The following DLGAP1 variants were observed in gnomAD, a reference collection of about 807,000 sequenced individuals.
DLGAP1 encodes the protein disks large-associated protein 1.
In DLGAP1, 11 loss-of-function variants were observed where a neutral mutation model predicts 90.8. The observed-to-expected ratio is 0.12, with a 90% CI of 0.08 to 0.20. DLGAP1 has a LOEUF of 0.20. DLGAP1 is among the 10% of genes least tolerant of loss of function. The pLI, the probability that DLGAP1 is intolerant of heterozygous loss-of-function variation, is 1.00. For synonymous variants in DLGAP1, 558 were observed against 540.7 expected, an observed-to-expected ratio of 1.03 and a Z score of -0.44; for missense variants, 1,050 against 1,333.8, an observed-to-expected ratio of 0.79 and a Z score of 3.31.
intron 1 of DLGAP1, among the ~76,000 whole-genome samples, chr18:4,218,673 A>G (rs1399677249): frequency 6.6e-6 from 1 of 151,890 alleles, no homozygotes; most frequent in Admixed American, 6.6e-5. Context: ...TACGTCTATG[A>G]ATTCAACTTT....
chr18:3,948,420 G>T (rs942058945), intron 3 of DLGAP1, among the ~76,000 whole-genome samples: 10 of 152,094 alleles, frequency 6.6e-5, no homozygotes, highest in African/African-American at 2.2e-4. Flanking sequence ...TGCTGTTAGG[G>T]TTTCACAGAA....
At chr18:3,877,338 G>A (rs543016901) in intron 4 of DLGAP1, among the ~76,000 whole-genome samples, 50 of 152,220 alleles carry the variant, frequency 3.3e-4, no homozygotes, top group South Asian at 1.7e-3. Flanking sequence ...CAGATATAAC[G>A]AAAACATTTC....
At chr18:3,780,520 C>T (rs1323694235) in intron 5 of DLGAP1, among the ~76,000 whole-genome samples, 1 of 113,540 alleles carries the variant, frequency 8.8e-6, no homozygotes, top group South Asian at 2.6e-4. Context: ...CTGGGTCTGT[C>T]CAGGTCCCCC....
At chr18:4,172,333 C>T (rs1017658457) in intron 1 of DLGAP1, among the ~76,000 whole-genome samples, 2 of 152,210 alleles carry the variant, frequency 1.3e-5, no homozygotes, top group Non-Finnish European at 2.9e-5. Flanking sequence ...AAGATAACTA[C>T]ATAAATGCCA....
chr18:3,992,537 G>A (rs771825436), intron 3 of DLGAP1, among the ~76,000 whole-genome samples: 35 of 152,116 alleles, frequency 2.3e-4, no homozygotes, highest in Non-Finnish European at 4.9e-4. Context: ...AATTAGCCAG[G>A]TGTGGTGGTG....
chr18:3,855,421 C>T (rs570874258), intron 4 of DLGAP1, among the ~76,000 whole-genome samples: 1 of 151,940 alleles, frequency 6.6e-6, no homozygotes, highest in Admixed American at 6.6e-5. Context: ...ACATGTACCC[C>T]TTACCTAAAA....
chr18:4,433,003 G>T (rs1488676011), intron 1 of DLGAP1, among the ~76,000 whole-genome samples: 1 of 152,034 alleles, frequency 6.6e-6, no homozygotes, highest in Non-Finnish European at 1.5e-5. Context: ...GCCACCCTAG[G>T]ATATAAATTT....
At chr18:3,800,968 G>A (rs1253087818) in intron 5 of DLGAP1, among the ~76,000 whole-genome samples, 3 of 152,156 alleles carry the variant, frequency 2.0e-5, no homozygotes, top group Admixed American at 2.0e-4. Flanking sequence ...AGGGTTTATA[G>A]GAAGCACGGT....
At chr18:3,503,683 C>G (rs556828421) in intron 11 of DLGAP1, among the ~76,000 whole-genome samples, 1 of 152,108 alleles carries the variant, frequency 6.6e-6, no homozygotes, top group African/African-American at 2.4e-5. Flanking sequence ...AAAACTAACC[C>G]CTAATAAAAA....
At position 4,299,826 on chromosome 18, in the gene DLGAP1, A is replaced by AT. The variant is rs546027628; in HGVS notation, c.-266-148540dup. Among the ~76,000 whole-genome samples the AT allele has an allele frequency of 2.0e-4, 31 of 152,298 alleles. No individual in the cohort carries two copies. In the South Asian group the frequency reaches 3.5e-3, roughly 17 times the overall value. ...CAATTCATCATCTACAGTATGATGTATAAAAGTGATGTTTTTAACTATTTA... is the reference window on the plus strand; with the variant it reads ...CAATTCATCATCTACAGTATGATGTATTAAAAGTGATGTTTTTAACTATTTA... On this transcript the variant is annotated intron_variant, in intron 1 of 12. Coordinates refer to ENST00000315677, the MANE Select transcript of DLGAP1 (RefSeq NM_004746.4).
chr18:3,734,396 G>A (rs1425299075), intron 6 of DLGAP1, among the ~76,000 whole-genome samples: 1 of 152,092 alleles, frequency 6.6e-6, no homozygotes, highest in Non-Finnish European at 1.5e-5. Context: ...GGAACAACAG[G>A]CACGAGCTAC....
At chr18:3,539,781 A>C (rs992478902) in intron 9 of DLGAP1, among the ~76,000 whole-genome samples, 2 of 152,220 alleles carry the variant, frequency 1.3e-5, no homozygotes, top group African/African-American at 2.4e-5. Context: ...TTGGAACTAC[A>C]AGACACTCAA....
Position 3,818,614 on chromosome 18 carries a change from T to C in DLGAP1, c.958-4341A>G, listed in dbSNP as rs142306750. On this transcript the variant is annotated intron_variant, in intron 4 of 12. Coordinates refer to ENST00000315677, the MANE Select transcript of DLGAP1 (RefSeq NM_004746.4). The stretch of plus-strand genomic sequence containing the variant: ...GAAAGAACTATTTCAATACCTTTTT[T>C]TTTTTGAGGTGGTGTCTCGCTCTGT... 5.4e-3 allele frequency among the ~76,000 whole-genome samples: 821 copies of C among 151,604 alleles called. 9 individuals are homozygous for C. The highest frequency in any genetic ancestry group is 0.018 in the African/African-American group (738 of 41,308).
chr18:3,873,387 A>C (rs554636146), intron 4 of DLGAP1, among the ~76,000 whole-genome samples: 1 of 152,308 alleles, frequency 6.6e-6, no homozygotes, highest in African/African-American at 2.4e-5. Flanking sequence ...AGGAACCTTG[A>C]CATTCACTTG....
At chr18:4,285,049 A>AAG (rs1568490630) in intron 1 of DLGAP1, among the ~76,000 whole-genome samples, 13 of 151,972 alleles carry the variant, frequency 8.6e-5, no homozygotes, top group African/African-American at 2.9e-4. Context: ...TTTTACAAAA[A>AAG]TAATGATAAA....
At chr18:4,077,467 T>C (rs2075540601) in intron 2 of DLGAP1, among the ~76,000 whole-genome samples, 1 of 152,122 alleles carries the variant, frequency 6.6e-6, no homozygotes, top group African/African-American at 2.4e-5. Context: ...TGGAACCACA[T>C]GAATAGATTA....
intron 7 of DLGAP1, among the ~76,000 whole-genome samples, chr18:3,725,408 C>T (rs1216807681): frequency 6.6e-6 from 1 of 152,144 alleles, no homozygotes; most frequent in Non-Finnish European, 1.5e-5. Flanking sequence ...AGGTTTAATC[C>T]AATCCTCTGA....
At chr18:4,130,836 G>C (rs2076302630) in intron 2 of DLGAP1, among the ~76,000 whole-genome samples, 1 of 152,124 alleles carries the variant, frequency 6.6e-6, no homozygotes, top group African/African-American at 2.4e-5. Context: ...GAGGAGGCAG[G>C]AAAACAACCA....
intron 4 of DLGAP1, among the ~76,000 whole-genome samples, chr18:3,839,081 T>C (rs2068561444): frequency 1.3e-5 from 2 of 152,230 alleles, no homozygotes; most frequent in Non-Finnish European, 2.9e-5. Flanking sequence ...GCTTTTATAA[T>C]TTCTTGCTTT....
Sources: gnomAD v4.1 joint callset for allele counts (sites outside exome capture counted in the v4.1 genomes callset) on GRCh38, gnomAD v4.1.1 for gene constraint, MANE v1.5 for transcripts, NCBI Gene and HGNC (gene_info 2026-07-23, HGNC 2026-07-21) for gene names.